Variants in PEAK1 observed in about 807,000 individuals in gnomAD.
PEAK1 encodes inactive tyrosine-protein kinase PEAK1.
A neutral mutation model predicts 124.7 loss-of-function variants in PEAK1; 54 were observed. The observed-to-expected ratio is 0.43, with a 90% CI of 0.35 to 0.54. The LOEUF (loss-of-function observed/expected upper bound fraction) is 0.54, where lower values mean the gene tolerates loss of function less well. Among genes scored for constraint, PEAK1 ranks in the 20% least tolerant of loss-of-function variants. The pLI, the probability that PEAK1 is intolerant of heterozygous loss-of-function variation, is 0.01. For missense variants in PEAK1, 2,046 were observed against 2,134.5 expected (o/e 0.96, Z 0.82); for synonymous variants, 719 against 760.0 (o/e 0.95, Z 0.89).
chr15:77,231,343 A>G (rs1035710154), intron 6 of PEAK1, among the ~76,000 whole-genome samples: 15 of 152,182 alleles, frequency 9.9e-5, no homozygotes, highest in African/African-American at 3.6e-4. Context: ...GGGTTTCAAT[A>G]AAAAAGGAAT....
At chr15:77,333,044 A>G (rs1277964281) in intron 2 of PEAK1, 2 of 975,442 alleles carry the variant, frequency 2.1e-6, no homozygotes, top group Non-Finnish European at 1.2e-6. Context: ...AAGGTGTTAA[A>G]TTTTTATCAC....
At chr15:77,105,339 TGTGTGTGTGTGTGTGTGTGC>T (rs1427716889), downstream of PEAK1, 5 of 143,184 alleles carry the variant, frequency 3.5e-5, no homozygotes, top group African/African-American at 1.3e-4. Flanking sequence ...TGTGTGTGTG[TGTGTGTGTGTGTGTGTGTGC>T]GCGCGTGCGC....
chr15:77,413,607 A>G (rs1228204919), intron 1 of PEAK1, among the ~76,000 whole-genome samples: 2 of 152,228 alleles, frequency 1.3e-5, no homozygotes, highest in African/African-American at 4.8e-5. Context: ...ACTGCCACAC[A>G]TTGGGAGAGA....
At chr15:77,262,335 A>G (rs532757325) in intron 5 of PEAK1, among the ~76,000 whole-genome samples, 1 of 152,176 alleles carries the variant, frequency 6.6e-6, no homozygotes, top group South Asian at 2.1e-4. Flanking sequence ...AAGAGTCAAG[A>G]CCCATCAGTG....
chr15:77,370,802 C>A, intron 1 of PEAK1: 2 of 906,118 alleles, frequency 2.2e-6, no homozygotes, highest in Non-Finnish European at 2.6e-6. Flanking sequence ...GAGGCTGAAG[C>A]AGGCGGATAA....
At chr15:77,349,988 T>A (rs763294478) in intron 2 of PEAK1, 41 of 984,748 alleles carry the variant, frequency 4.2e-5, no homozygotes, top group Non-Finnish European at 4.8e-5. Context: ...TCAAGCATTA[T>A]AGGAAGATTT....
chr15:77,327,881 A>C (rs1208640181), intron 2 of PEAK1, among the ~76,000 whole-genome samples: 4 of 152,142 alleles, frequency 2.6e-5, no homozygotes, highest in African/African-American at 7.2e-5. Flanking sequence ...TTGATAAGCC[A>C]CATTATGGAA....
At chr15:77,292,123 T>C (rs534023301) in intron 2 of PEAK1, among the ~76,000 whole-genome samples, 3 of 152,202 alleles carry the variant, frequency 2.0e-5, no homozygotes, top group Non-Finnish European at 4.4e-5. Context: ...CAATGATTCT[T>C]GTTATCTGTG....
intron 6 of PEAK1, among the ~76,000 whole-genome samples, chr15:77,207,166 A>G (rs2058699447): frequency 6.6e-6 from 1 of 152,216 alleles, no homozygotes; most frequent in Non-Finnish European, 1.5e-5. Flanking sequence ...AAAACCCTAG[A>G]AGAAAACCCA....
chr15:77,303,190 T>C (rs1486670402), intron 2 of PEAK1, among the ~76,000 whole-genome samples: 1 of 152,218 alleles, frequency 6.6e-6, no homozygotes, highest in Non-Finnish European at 1.5e-5. Flanking sequence ...CTTCCAGTTT[T>C]GGTAATTATA....
intron 7 of PEAK1, among the ~76,000 whole-genome samples, chr15:77,163,747 T>C (rs1301753660): frequency 6.6e-6 from 1 of 152,218 alleles, no homozygotes; most frequent in African/African-American, 2.4e-5. Context: ...TTCTAGAGAC[T>C]ACCTGCCTCT....
intron 1 of PEAK1, chr15:77,419,440 G>T (rs918332238): frequency 2.0e-6 from 2 of 985,340 alleles, no homozygotes; most frequent in East Asian, 2.3e-4. Context: ...AAACGACCCC[G>T]CCAGCCCACA....
exon 7 of PEAK1, chr15:77,102,321 T>C (rs1320613851): frequency 6.6e-6 from 1 of 152,248 alleles, no homozygotes; most frequent in Non-Finnish European, 1.5e-5. Context: ...GTCTGTTATA[T>C]GTGTTGAAAT....
rs928277822 is a variant in PEAK1 at position 77,365,664 on chromosome 15, C to T, written c.-665-439G>A. Among the ~76,000 whole-genome samples, 15 of 149,418 alleles carry T rather than the reference C, an allele frequency of 1.0e-4. 1 individual carries two copies. Among genetic ancestry groups the T allele is most frequent in the East Asian group, 9.8e-4 (5 of 5,080 alleles). ...CTGAGGCAGGAGAAACGCTTGAACC[C>T]GGGAGGCGGAGGTTGCAGTGAGCCA... On this transcript the variant is annotated intron_variant, in intron 1 of 9. Transcript: ENST00000682557.
At chr15:77,331,550 T>C (rs2153032567) in intron 2 of PEAK1, among the ~76,000 whole-genome samples, 4 of 152,362 alleles carry the variant, frequency 2.6e-5, no homozygotes, top group Admixed American at 2.6e-4. Flanking sequence ...TTCTCTAGGA[T>C]AAATTATTTT....
At chr15:77,249,623 T>C (rs960421731) in intron 6 of PEAK1, among the ~76,000 whole-genome samples, 31 of 152,174 alleles carry the variant, frequency 2.0e-4, no homozygotes, top group African/African-American at 7.5e-4. Flanking sequence ...GGATGTGTTA[T>C]ATGATTTCTG....
chr15:77,117,228 A>C (rs537674114), intron 9 of PEAK1, among the ~76,000 whole-genome samples: 17 of 152,208 alleles, frequency 1.1e-4, no homozygotes, highest in African/African-American at 4.1e-4. Context: ...TAGCTGTTAC[A>C]TTATAAAAAA....
At chr15:77,151,802 T>A (rs971196587) in intron 8 of PEAK1, among the ~76,000 whole-genome samples, 1 of 152,230 alleles carries the variant, frequency 6.6e-6, no homozygotes, top group African/African-American at 2.4e-5. Context: ...GTCAGGTTTG[T>A]CAAAGATCGG....
At chr15:77,338,033 T>C (rs776146925) in intron 2 of PEAK1, 6 of 982,608 alleles carry the variant, frequency 6.1e-6, no homozygotes, top group Non-Finnish European at 7.3e-6. Flanking sequence ...ATTTTTCAAA[T>C]GTGTAAAGCA....
Sources: gnomAD v4.1 joint callset for allele counts (sites outside exome capture counted in the v4.1 genomes callset) on GRCh38, gnomAD v4.1.1 for gene constraint, MANE v1.5 for transcripts, NCBI Gene and HGNC (gene_info 2026-07-23, HGNC 2026-07-21) for gene names.